The following ADGRD1 variants were observed in gnomAD, a reference collection of about 807,000 sequenced individuals.
ADGRD1 encodes adhesion G protein-coupled receptor D1, also known as G-protein coupled receptor 133.
ADGRD1 carries 77 observed loss-of-function variants against 113.4 expected under a neutral mutation model. That is an observed-to-expected ratio of 0.68 (90% CI 0.57 to 0.82). The LOEUF is 0.82. Among genes scored for constraint, ADGRD1 ranks in the 40% least tolerant of loss-of-function variants. ADGRD1 has a pLI of 0.00. For missense variants in ADGRD1, 1,036 were observed against 1,139.1 expected, an observed-to-expected ratio of 0.91 and a Z score of 1.30; for synonymous variants, 474 against 475.0, an observed-to-expected ratio of 1.00 and a Z score of 0.03.
rs1878297231 is a variant in ADGRD1, at chr12:131,060,441, A to G, written c.1474-16360A>G. On this transcript the variant is annotated intron_variant, in intron 13 of 24. Coordinates refer to ENST00000261654, the MANE Select transcript of ADGRD1 (RefSeq NM_198827.5). The surrounding 1 kb of genome is among the most constrained non-coding windows in gnomAD (Gnocchi z 4.4). ...GCAGCGACAGCAGGGGTCATGTTCAAAAGACCCAGCAGCATGGACAATGCT... is the reference window on the plus strand; with the variant it reads ...GCAGCGACAGCAGGGGTCATGTTCAGAAGACCCAGCAGCATGGACAATGCT... Among the ~76,000 whole-genome samples the G allele has an allele frequency of 6.6e-6, 1 of 152,206 alleles. No homozygotes were observed. The highest frequency in any genetic ancestry group is 6.5e-5 in the Admixed American group (1 of 15,278).
At chr12:131,005,245 G>A (rs1250522759) in intron 11 of ADGRD1, among the ~76,000 whole-genome samples, 21 of 152,212 alleles carry the variant, frequency 1.4e-4, no homozygotes, top group Admixed American at 1.4e-3. Context: ...CAGAAGCCAA[G>A]GGAAGGGCCC....
At chr12:131,083,834 G>A (rs1200320637) in intron 14 of ADGRD1, among the ~76,000 whole-genome samples, 2 of 151,170 alleles carry the variant, frequency 1.3e-5, no homozygotes, top group Non-Finnish European at 3.0e-5. Context: ...AGACCTTTAC[G>A]TCTCATCCTG....
At chr12:130,983,264 C>A (rs772771226) in intron 5 of ADGRD1, among the ~76,000 whole-genome samples, 3 of 152,170 alleles carry the variant, frequency 2.0e-5, no homozygotes, top group Non-Finnish European at 2.9e-5. Context: ...TGTTTGCCTT[C>A]TTCTGTGGAT....
At chr12:130,982,445 T>G (rs191673792) in intron 5 of ADGRD1, among the ~76,000 whole-genome samples, 277 of 152,378 alleles carry the variant, frequency 1.8e-3, no homozygotes, top group African/African-American at 6.4e-3. Flanking sequence ...GTTACATTTC[T>G]CCTTCTTTTC....
At chr12:131,101,640 G>A (rs779007734) in intron 15 of ADGRD1, among the ~76,000 whole-genome samples, 2 of 151,798 alleles carry the variant, frequency 1.3e-5, no homozygotes, top group Admixed American at 6.6e-5. Flanking sequence ...TGCCCGCCTC[G>A]GCCTCCCAGA....
rs561075012 is a variant in ADGRD1 at position 130,954,841 on chromosome 12, G to C, written c.103+181G>C. Among the ~76,000 whole-genome samples, 1 of 152,192 alleles carries C rather than the reference G, an allele frequency of 6.6e-6. No homozygotes were observed. Among genetic ancestry groups the C allele is most frequent in the Non-Finnish European group, 1.5e-5 (1 of 68,028 alleles). ...CTGGGCAGCTCTGCTACCCCTCACC[G>C]GCTGAGCGGTGGATGGAGAAGTGGT... On this transcript the variant is annotated intron_variant, in intron 2 of 24. Transcript: ENST00000261654. The surrounding 1 kb of genome is among the most constrained non-coding windows in gnomAD (Gnocchi z 4.7).
At position 130,954,699 on chromosome 12, in the gene ADGRD1, C is replaced by G. The variant is rs1315473540; in HGVS notation, c.103+39C>G. 1.3e-6 allele frequency: 2 copies of G among 1,587,970 alleles called. No individual in the cohort carries two copies. The highest frequency in any genetic ancestry group is 1.3e-5 in the African/African-American group (1 of 74,460). On this transcript the variant is annotated intron_variant, in intron 2 of 24. Coordinates refer to ENST00000261654, the MANE Select transcript of ADGRD1 (RefSeq NM_198827.5). This position sits in a 1 kb window ranked among gnomAD's most constrained non-coding sequence, Gnocchi z 4.7. ...CTTCTCACTCTGAGCACCGCTCTCC[C>G]CCTGCCTAGTGCAGGTATCTCAGGA...
rs1886344878 is a variant in ADGRD1 at position 131,084,868 on chromosome 12, G to A, written c.1671+205G>A. ...TTGGGTGCCAGCAAATATCCGAGGA[G>A]CCCATGATTGTGTAAATCGAGTCCA... is the stretch of plus-strand genomic sequence containing the variant. On this transcript the variant is annotated intron_variant, in intron 15 of 24. Transcript: ENST00000261654. The surrounding 1 kb of genome is among the most constrained non-coding windows in gnomAD (Gnocchi z 4.5). 6.6e-6 allele frequency among the ~76,000 whole-genome samples: 1 copy of A among 152,202 alleles called. No individual in the cohort carries two copies. Among genetic ancestry groups the A allele is most frequent in the African/African-American group, 2.4e-5 (1 of 41,448 alleles).
At position 130,971,394 on chromosome 12, in the gene ADGRD1, A is replaced by C; in HGVS notation, c.188-64A>C. On this transcript the variant is annotated intron_variant, in intron 3 of 24. Transcript: ENST00000261654. This position sits in a 1 kb window ranked among gnomAD's most constrained non-coding sequence, Gnocchi z 4.2. ...CATAAGTTATTTGTAGGTCTGACAC[A>C]CATCTTCAGACTTTTAATCTCGGAA... The C allele has an allele frequency of 7.1e-7, 1 of 1,403,648 alleles. No individual in the cohort carries two copies. The highest frequency in any genetic ancestry group is 9.9e-7 in the Non-Finnish European group (1 of 1,006,846). 86.9% of individuals were successfully genotyped at this position (1,403,648 alleles called of 1,614,324 possible).
intron 13 of ADGRD1, among the ~76,000 whole-genome samples, chr12:131,020,385 C>T (rs1299003231): frequency 6.6e-6 from 1 of 152,008 alleles, no homozygotes; most frequent in Admixed American, 6.5e-5. Context: ...TGTTCCAGGC[C>T]AGGACCCCAA....
intron 19 of ADGRD1, 76 bp downstream of exon 19, chr12:131,118,527 C>T (rs1415133344): frequency 8.5e-6 from 9 of 1,061,022 alleles, no homozygotes; most frequent in Admixed American, 8.3e-5. Flanking sequence ...GTGGCTCTTG[C>T]CTTCCTGTGC....
At chr12:130,998,623 C>A (rs1663007500) in intron 8 of ADGRD1, among the ~76,000 whole-genome samples, 2 of 152,132 alleles carry the variant, frequency 1.3e-5, no homozygotes, top group South Asian at 4.1e-4. Flanking sequence ...CACCACTACA[C>A]CTGACTAATT....
At position 131,031,574 on chromosome 12, in the gene ADGRD1, C is replaced by A. The variant is rs577024221; in HGVS notation, c.1473+17234C>A. Among the ~76,000 whole-genome samples the A allele has an allele frequency of 1.5e-4, 23 of 152,256 alleles. No homozygotes were observed. The East Asian group carries it at 4.2e-3, about 28-fold the overall frequency. ...CCAGGATTAGCAAACACGGCCCCCC[C>A]ACCCTTCCTTCAGGCCTGGTCTTAA... On this transcript the variant is annotated intron_variant, in intron 13 of 24. Coordinates refer to ENST00000261654, the MANE Select transcript of ADGRD1 (RefSeq NM_198827.5).
At chr12:131,077,271 C>T (rs941792460) in intron 14 of ADGRD1, among the ~76,000 whole-genome samples, 5 of 152,138 alleles carry the variant, frequency 3.3e-5, no homozygotes, top group African/African-American at 9.7e-5. Context: ...TGACTAGCCA[C>T]GTTGGCATTT....
rs780595207 is a variant in ADGRD1 at position 131,076,871 on chromosome 12, T to G, written c.1544T>G (p.Phe515Cys). The G allele has an allele frequency of 1.2e-6, 2 of 1,613,706 alleles. No individual in the cohort carries two copies. The highest frequency in any genetic ancestry group is 3.3e-5 in the Admixed American group (2 of 60,018). Residue 515 changes from phenylalanine to cysteine, a missense_variant, in exon 14 of 25, where the codon TTC becomes TGC. Coordinates refer to ENST00000261654, the MANE Select transcript of ADGRD1 (RefSeq NM_198827.5). Reference sequence around the variant, plus strand: ...TTCGTGTACTGCGCCTTCCTGGACTTCAGGTACCCTCTGCACAGGGGAGAG... The same window carrying G: ...TTCGTGTACTGCGCCTTCCTGGACTGCAGGTACCCTCTGCACAGGGGAGAG... ...RVFVYCAFLD[F>C]SSGEGVWSNH...
intron 14 of ADGRD1, among the ~76,000 whole-genome samples, chr12:131,083,868 G>A (rs926410175): frequency 2.6e-5 from 4 of 152,180 alleles, no homozygotes; most frequent in African/African-American, 9.7e-5. Context: ...GTCTCTGGCG[G>A]TAACACCGTG....
At chr12:131,076,664 T>G in intron 13 of ADGRD1, 137 bp from the exon 14 acceptor site, 22 of 726,582 alleles carry the variant, frequency 3.0e-5, no homozygotes, top group East Asian at 5.1e-5. Flanking sequence ...CCACAATGGA[T>G]GGAGATAGAC....
In ADGRD1 at chr12:130,954,075, G is replaced by A. The variant is rs1869221278; in HGVS notation, c.-391G>A. On this transcript the variant is annotated 5_prime_UTR_variant, in exon 1 of 25. Coordinates refer to ENST00000261654, the MANE Select transcript of ADGRD1 (RefSeq NM_198827.5). The surrounding 1 kb of genome is among the most constrained non-coding windows in gnomAD (Gnocchi z 4.7). ...AAAGGGAAGCTCCAAACCTGACTGA[G>A]ACAAACGGAGGCTCTTGAAATAAAA... 5.7e-6 allele frequency: 1 copy of A among 176,274 alleles called. No individual in the cohort carries two copies. Among genetic ancestry groups the A allele is most frequent in the African/African-American group, 2.4e-5 (1 of 42,492 alleles). 10.9% of individuals were successfully genotyped at this position (176,274 alleles called of 1,614,324 possible). A position where few individuals can be genotyped will look rare whatever the true frequency, so the allele number is the denominator to read the frequency against.
Position 131,113,506 on chromosome 12 carries a change from C to T in ADGRD1, c.2041+4629C>T, listed in dbSNP as rs751338757. Among the ~76,000 whole-genome samples the T allele has an allele frequency of 1.3e-4, 20 of 152,338 alleles. No individual in the cohort carries two copies. Among genetic ancestry groups the T allele is most frequent in the South Asian group, 2.1e-4 (1 of 4,830 alleles). ...AGGGACCTGCTACTTGTTTCAAATA[C>T]GTTTAATTTTCACAGTCTTTGTTAT... On this transcript the variant is annotated intron_variant, in intron 18 of 24. Transcript: ENST00000261654. The surrounding 1 kb of genome is among the most constrained non-coding windows in gnomAD (Gnocchi z 4.9).
Sources: allele counts gnomAD v4.1 joint callset (sites outside exome capture counted in the v4.1 genomes callset), GRCh38; gene constraint gnomAD v4.1.1; non-coding constraint Gnocchi (gnomAD v3.1); transcripts MANE v1.5; gene names NCBI Gene and HGNC (gene_info 2026-07-23, HGNC 2026-07-21).